The following FMN1 variants were observed in gnomAD, a reference collection of about 807,000 sequenced individuals.
The protein encoded by FMN1 is formin-1.
Under a neutral mutation model 132.4 loss-of-function variants are expected in FMN1, and 110 were observed. The ratio of observed to expected loss-of-function variants is 0.83; its 90% CI spans 0.71 to 0.97. The LOEUF (loss-of-function observed/expected upper bound fraction) is 0.97, where lower values mean the gene tolerates loss of function less well. Ranked by LOEUF, FMN1 falls within the 50% of genes least tolerant of loss-of-function variation. The pLI, the probability that FMN1 is intolerant of heterozygous loss-of-function variation, is 0.00. For synonymous variants in FMN1, 722 were observed against 651.7 expected, an observed-to-expected ratio of 1.11 and a Z score of -1.64; for missense variants, 1,792 against 1,705.3, an observed-to-expected ratio of 1.05 and a Z score of -0.90.
rs185276077 is a variant in FMN1 at position 33,188,100 on chromosome 15, C to T, written c.-197+5809G>A. Among the ~76,000 whole-genome samples the T allele has an allele frequency of 5.3e-3, 802 of 151,984 alleles. 9 individuals are homozygous for T. The highest frequency in any genetic ancestry group is 0.018 in the African/African-American group (763 of 41,450). On this transcript the variant is annotated intron_variant, in intron 2 of 20. Coordinates refer to ENST00000616417, the MANE Select transcript of FMN1 (RefSeq NM_001277313.2). ...CTGTAATCCCAGCACTTTGGGAGGC[C>T]GAGGCGGGCAGATCACAAGGTCAGG...
chr15:32,780,837 A>G (rs538976660), intron 19 of FMN1, among the ~76,000 whole-genome samples: 17 of 152,306 alleles, frequency 1.1e-4, no homozygotes, highest in Admixed American at 2.6e-4. Flanking sequence ...TGCTATTGTT[A>G]CTTTGCATGC....
At chr15:33,019,967 G>A (rs1454316740) in intron 6 of FMN1, among the ~76,000 whole-genome samples, 5 of 152,336 alleles carry the variant, frequency 3.3e-5, no homozygotes, top group Non-Finnish European at 7.3e-5. Context: ...GGCCAGAATG[G>A]GCGCCAAGGC....
intron 3 of FMN1, among the ~76,000 whole-genome samples, chr15:33,164,346 T>G (rs1344348227): frequency 6.6e-6 from 1 of 152,222 alleles, no homozygotes; most frequent in African/African-American, 2.4e-5. Context: ...TATGTCTTAT[T>G]TTAACATATG....
chr15:32,882,076 T>A (rs1349109200), intron 16 of FMN1, among the ~76,000 whole-genome samples: 2 of 152,112 alleles, frequency 1.3e-5, no homozygotes, highest in African/African-American at 4.8e-5. Context: ...GGAGAGAGAC[T>A]ACAATAGGCA....
chr15:33,178,527 T>C lies in FMN1; in HGVS notation c.-132+1671A>G, dbSNP rs147302270. On this transcript the variant is annotated intron_variant, in intron 3 of 20. Coordinates refer to ENST00000616417, the MANE Select transcript of FMN1 (RefSeq NM_001277313.2). ...CCATGAACTTACACTTTTGGTTTCC[T>C]TGAGGCCTATTCCTCATAGTCTTGA... Among the ~76,000 whole-genome samples the C allele has an allele frequency of 5.1e-3, 777 of 152,352 alleles. 6 individuals are homozygous for C. Among genetic ancestry groups the C allele is most frequent in the African/African-American group, 0.016 (681 of 41,580 alleles).
At chr15:33,031,370 G>A (rs2035929722) in intron 6 of FMN1, among the ~76,000 whole-genome samples, 1 of 152,146 alleles carries the variant, frequency 6.6e-6, no homozygotes, top group Non-Finnish European at 1.5e-5. Flanking sequence ...CTTCACAGAG[G>A]ACTTGCAATC....
At chr15:33,005,540 G>C (rs1275401818) in intron 7 of FMN1, among the ~76,000 whole-genome samples, 1 of 152,042 alleles carries the variant, frequency 6.6e-6, no homozygotes, top group East Asian at 1.9e-4. Context: ...AGATATATAA[G>C]ATCATAAGAC....
intron 4 of FMN1, among the ~76,000 whole-genome samples, chr15:33,118,409 T>C (rs1008849301): frequency 6.6e-6 from 1 of 152,068 alleles, no homozygotes; most frequent in East Asian, 1.9e-4. Context: ...ACCAGAAAAA[T>C]GGAGATCATG....
chr15:32,906,162 T>C (rs562834488), intron 12 of FMN1, among the ~76,000 whole-genome samples: 44 of 152,268 alleles, frequency 2.9e-4, no homozygotes, highest in East Asian at 1.5e-3. Flanking sequence ...TCCCTGCCTG[T>C]TCATTTCACC....
intron 4 of FMN1, among the ~76,000 whole-genome samples, chr15:33,089,642 G>T (rs996304476): frequency 1.3e-5 from 2 of 152,158 alleles, no homozygotes; most frequent in Non-Finnish European, 1.5e-5. Context: ...CATATAGTTA[G>T]GTATCATTAG....
intron 17 of FMN1, among the ~76,000 whole-genome samples, chr15:32,830,823 A>G (rs2058482684): frequency 6.6e-6 from 1 of 152,194 alleles, no homozygotes; most frequent in Non-Finnish European, 1.5e-5. Flanking sequence ...AATTAGGGGT[A>G]GGAGCAGCGA....
chr15:32,882,644 AAACAG>A (rs1025580827), intron 16 of FMN1, among the ~76,000 whole-genome samples: 2 of 152,216 alleles, frequency 1.3e-5, no homozygotes, highest in Non-Finnish European at 2.9e-5. Flanking sequence ...GCCAGATAAA[AAACAG>A]TACACCAAGT....
chr15:32,796,750 A>AT (rs1193999176), intron 19 of FMN1, among the ~76,000 whole-genome samples: 1 of 152,240 alleles, frequency 6.6e-6, no homozygotes, highest in Non-Finnish European at 1.5e-5. Flanking sequence ...AAAACCCTGG[A>AT]TATCAAGCAG....
chr15:32,973,528 A>C (rs2031956537), intron 7 of FMN1, among the ~76,000 whole-genome samples: 1 of 152,158 alleles, frequency 6.6e-6, no homozygotes, highest in African/African-American at 2.4e-5. Context: ...AATGATAGTA[A>C]GAAATCTTTC....
chr15:32,798,699 GAAA>G, intron 19 of FMN1, 102 bp downstream of exon 19: 1 of 1,082,070 alleles, frequency 9.2e-7, no homozygotes. Context: ...CACTTCATCC[GAAA>G]GAAAACATCG....
At chr15:33,130,050 C>T (rs1051739229) in intron 4 of FMN1, among the ~76,000 whole-genome samples, 3 of 152,078 alleles carry the variant, frequency 2.0e-5, no homozygotes, top group African/African-American at 4.8e-5. Context: ...TGATCCACCT[C>T]GTGATCCACC....
intron 5 of FMN1, among the ~76,000 whole-genome samples, chr15:33,085,039 A>C (rs1008787293): frequency 6.6e-6 from 1 of 152,204 alleles, no homozygotes; most frequent in Non-Finnish European, 1.5e-5. Flanking sequence ...TAGAGTCCAA[A>C]GCCCACCAGA....
At chr15:33,143,538 T>C (rs1410176051) in intron 4 of FMN1, among the ~76,000 whole-genome samples, 1 of 152,162 alleles carries the variant, frequency 6.6e-6, no homozygotes, top group East Asian at 1.9e-4. Flanking sequence ...TAAAGAGACA[T>C]CTGTTTCCAT....
Position 32,902,025 on chromosome 15 carries a change from T to A in FMN1, c.3393A>T (p.Leu1131Phe). 2.5e-6 allele frequency: 4 copies of A among 1,609,020 alleles called. No individual in the cohort carries two copies. The highest frequency in any genetic ancestry group is 3.4e-6 in the Non-Finnish European group (4 of 1,178,394). ...GTTCAGCAAAATTAGGAATCTGGGC[T>A]AACTCATGTAAAAATCTGTAAAAAA... ...LDKPEQFLHE[L>F]AQIPNFAERA... The change falls in exon 13 of 21, where the codon TTA becomes TTT. Residue 1131 changes from leucine to phenylalanine, a missense_variant. Physicochemically the swap from Leu to Phe is conservative, Grantham distance 22. Coordinates refer to ENST00000616417, the MANE Select transcript of FMN1 (RefSeq NM_001277313.2).
Sources: allele counts gnomAD v4.1 joint callset (sites outside exome capture counted in the v4.1 genomes callset), GRCh38; gene constraint gnomAD v4.1.1; transcripts MANE v1.5; gene names NCBI Gene and HGNC (gene_info 2026-07-23, HGNC 2026-07-21).